The following IPPK variants were observed in gnomAD, a reference collection of about 807,000 sequenced individuals.
IPPK encodes the protein inositol-pentakisphosphate 2-kinase.
In IPPK, 22 loss-of-function variants were observed where a neutral mutation model predicts 64.6. That is an observed-to-expected ratio of 0.34 (90% CI 0.24 to 0.49). IPPK has a LOEUF of 0.49. IPPK is among the 20% of genes least tolerant of loss of function. The pLI is 0.99. For synonymous variants in IPPK, 262 were observed against 247.2 expected, an observed-to-expected ratio of 1.06 and a Z score of -0.56; for missense variants, 532 against 630.7, an observed-to-expected ratio of 0.84 and a Z score of 1.68.
intron 11 of IPPK, among the ~76,000 whole-genome samples, chr9:92,628,292 C>T (rs1015195409): frequency 1.3e-5 from 2 of 152,112 alleles, no homozygotes; most frequent in African/African-American, 4.8e-5. Context: ...TATGAGAATC[C>T]CAGCTGGCTT....
intron 1 of IPPK, among the ~76,000 whole-genome samples, chr9:92,665,808 G>A (rs1467164492): frequency 6.6e-6 from 1 of 151,550 alleles, no homozygotes; most frequent in African/African-American, 2.4e-5. Context: ...AAATCATGCT[G>A]TATGGCAAAA....
intron 12 of IPPK, 125 bp downstream of exon 12, chr9:92,619,361 G>C: frequency 1.3e-6 from 1 of 743,546 alleles, no homozygotes; most frequent in African/African-American, 1.7e-5. Flanking sequence ...ATAGGCCAAG[G>C]AAGTTATGTC....
intron 1 of IPPK, among the ~76,000 whole-genome samples, chr9:92,660,501 G>A (rs559026823): frequency 4.5e-4 from 68 of 152,218 alleles, no homozygotes; most frequent in Non-Finnish European, 8.2e-4. Context: ...GCCTGTCTCG[G>A]TTTATCATGG....
At chr9:92,620,050 C>T (rs771416365) in intron 11 of IPPK, 51 of 171,930 alleles carry the variant, frequency 3.0e-4, no homozygotes, top group Middle Eastern at 2.9e-3. Flanking sequence ...CAACGGCAGA[C>T]GGCCACCCTT....
At chr9:92,654,615 C>T (rs951777407) in intron 3 of IPPK, among the ~76,000 whole-genome samples, 2 of 152,226 alleles carry the variant, frequency 1.3e-5, no homozygotes, top group Admixed American at 6.5e-5. Flanking sequence ...TGAGGACGCA[C>T]CAACCAGCTC....
rs1851388570 is a variant in IPPK at position 92,614,999 on chromosome 9, A to C, written c.*833T>G. 6.6e-6 allele frequency: 1 copy of C among 152,252 alleles called. No individual in the cohort carries two copies. The highest frequency in any genetic ancestry group is 2.1e-4 in the South Asian group (1 of 4,828). 9.4% of individuals were successfully genotyped at this position (152,252 alleles called of 1,614,324 possible). A position where few individuals can be genotyped will look rare whatever the true frequency, so the allele number is the denominator to read the frequency against. Reference sequence around the variant, plus strand: ...GCTCCTCAACCACCCCAGACACTGGAGTGTCAGGAAAGCACTGAGCTGTTG... The same window carrying C: ...GCTCCTCAACCACCCCAGACACTGGCGTGTCAGGAAAGCACTGAGCTGTTG... On this transcript the variant is annotated 3_prime_UTR_variant, in exon 13 of 13. Coordinates refer to ENST00000287996, the MANE Select transcript of IPPK (RefSeq NM_022755.6).
Position 92,619,501 on chromosome 9 carries a change from C to T in IPPK, c.1235G>A (p.Cys412Tyr), listed in dbSNP as rs1177827796. 6 of 1,591,048 alleles carry T rather than the reference C, an allele frequency of 3.8e-6. No homozygotes were observed. In the South Asian group the frequency reaches 4.6e-5, roughly 12 times the overall value. ...GGGGCCTCACCTGGCATCCTGCAGACAGGGAGACAGTGCAATCATGATGGA... is the reference window on the plus strand; with the variant it reads ...GGGGCCTCACCTGGCATCCTGCAGATAGGGAGACAGTGCAATCATGATGGA... ...DCSIMIALSP[C>Y]LQDASSDQRP... Residue 412 changes from cysteine to tyrosine, a missense_variant, in exon 12 of 13, where the codon TGT becomes TAT. Cys to Tyr is a radical substitution (Grantham distance 194). Transcript: ENST00000287996.
In IPPK at chr9:92,642,665, G is replaced by A. The variant is rs190561263; in HGVS notation, c.563+87C>T. ...GGCCTTCCCTGCCTTCCTACCTCAC[G>A]AAATACCCCCCACCAGGCACTGGCC... On this transcript the variant is annotated intron_variant, in intron 7 of 12. Transcript: ENST00000287996. 4.7e-3 allele frequency: 5,543 copies of A among 1,170,480 alleles called. 19 individuals carry two copies. The highest frequency in any genetic ancestry group is 0.016 in the Middle Eastern group (66 of 4,196). 72.5% of individuals were successfully genotyped at this position (1,170,480 alleles called of 1,614,324 possible).
Position 92,658,678 on chromosome 9 carries a change from AGCGCTGTTGGAAAATAAAACAAATCT to A in IPPK, c.82-23_84del. ...AACTTCAGAAACCGCAGCACGACGC[AGCGCTGTTGGAAAATAAAACAAATCT>A]GATTAGTATTTGCTCAAAGCCAAGG... On this transcript the variant is annotated splice_acceptor_variant and splice_polypyrimidine_tract_variant and coding_sequence_variant and intron_variant, in exon 2 of 13. Transcript: ENST00000287996. LOFTEE classifies it high-confidence loss of function. 1 of 1,614,014 alleles carries A rather than the reference AGCGCTGTTGGAAAATAAAACAAATCT, an allele frequency of 6.2e-7. No homozygotes were observed. The highest frequency in any genetic ancestry group is 8.5e-7 in the Non-Finnish European group (1 of 1,179,908).
intron 11 of IPPK, among the ~76,000 whole-genome samples, chr9:92,624,978 G>A (rs1453507362): frequency 6.6e-6 from 1 of 151,984 alleles, no homozygotes; most frequent in African/African-American, 2.4e-5. Context: ...AAACAGGACA[G>A]ACTAAACTAC....
chr9:92,666,458 G>C (rs1170802853), intron 1 of IPPK, among the ~76,000 whole-genome samples: 1 of 152,196 alleles, frequency 6.6e-6, no homozygotes, highest in African/African-American at 2.4e-5. Context: ...ACTGGCCCAA[G>C]TACTGCACCT....
At chr9:92,618,532 G>A (rs905587689) in intron 12 of IPPK, 2 of 456,564 alleles carry the variant, frequency 4.4e-6, no homozygotes, top group Non-Finnish European at 8.8e-6. Flanking sequence ...CTTGGTCGGG[G>A]GGCTGCTGAA....
chr9:92,656,557 A>G lies in IPPK; in HGVS notation c.130-6T>C. ...TGAAATATCTCTTCCGAGGTCTGTA[A>G]GAGACAACCACAGGACAGCCTTCGT... On this transcript the variant is annotated splice_region_variant and splice_polypyrimidine_tract_variant and intron_variant, in intron 2 of 12. Coordinates refer to ENST00000287996, the MANE Select transcript of IPPK (RefSeq NM_022755.6). The G allele has an allele frequency of 1.3e-6, 2 of 1,592,576 alleles. No homozygotes were observed. Among genetic ancestry groups the G allele is most frequent in the Non-Finnish European group, 1.7e-6 (2 of 1,160,408 alleles).
At chr9:92,625,682 G>A (rs1851720029) in intron 11 of IPPK, among the ~76,000 whole-genome samples, 1 of 152,154 alleles carries the variant, frequency 6.6e-6, no homozygotes, top group African/African-American at 2.4e-5. Context: ...GAAGCAACTG[G>A]GAAGGCTGAG....
At chr9:92,624,939 T>C (rs1276670941) in intron 11 of IPPK, among the ~76,000 whole-genome samples, 1 of 151,124 alleles carries the variant, frequency 6.6e-6, no homozygotes, top group Non-Finnish European at 1.5e-5. Context: ...CATGAATATA[T>C]ACAGCATGAT....
intron 2 of IPPK, 105 bp downstream of exon 2, chr9:92,658,529 A>G (rs2131459719): frequency 2.1e-6 from 2 of 967,774 alleles, no homozygotes; most frequent in Admixed American, 1.9e-5. Context: ...TGCTTGTATC[A>G]TCTTTGAATG....
At chr9:92,648,398 C>T (rs1292061302) in intron 5 of IPPK, among the ~76,000 whole-genome samples, 1 of 152,188 alleles carries the variant, frequency 6.6e-6, no homozygotes, top group Non-Finnish European at 1.5e-5. Flanking sequence ...TGCACTAGCT[C>T]AACACAAGCA....
intron 12 of IPPK, chr9:92,616,775 CTG>C (rs1307536831): frequency 6.6e-6 from 1 of 152,324 alleles, no homozygotes; most frequent in South Asian, 2.1e-4. Context: ...GCTCTGACTG[CTG>C]TGTGTCCCGC....
At chr9:92,649,306 G>C in intron 5 of IPPK, 147 bp downstream of exon 5, 4 of 876,190 alleles carry the variant, frequency 4.6e-6, no homozygotes, top group Non-Finnish European at 7.1e-6. Context: ...GCTGTGGAAG[G>C]ACAGAAACAA....
Sources: gnomAD v4.1 joint callset for allele counts (sites outside exome capture counted in the v4.1 genomes callset) on GRCh38, gnomAD v4.1.1 for gene constraint, MANE v1.5 for transcripts, NCBI Gene and HGNC (gene_info 2026-07-23, HGNC 2026-07-21) for gene names.